ZNRF1: variants seen among roughly 807,000 people sequenced by gnomAD.
The protein encoded by ZNRF1 is zinc and ring finger 1.
In ZNRF1, 3 loss-of-function variants were observed where a neutral mutation model predicts 18.4. That is an observed-to-expected ratio of 0.16 (90% CI 0.07 to 0.42). ZNRF1 has a LOEUF of 0.42. Among genes scored for constraint, ZNRF1 ranks in the 10% least tolerant of loss-of-function variants. The probability of loss-of-function intolerance (pLI) is 0.99; values close to 1 mark genes in which losing one functional copy is unlikely to be tolerated. For missense variants in ZNRF1, 310 were observed against 329.8 expected, an observed-to-expected ratio of 0.94 and a Z score of 0.47; for synonymous variants, 157 against 144.2, an observed-to-expected ratio of 1.09 and a Z score of -0.64.
intron 1 of ZNRF1, among the ~76,000 whole-genome samples, chr16:75,018,452 A>G (rs932042099): frequency 6.6e-6 from 1 of 152,174 alleles, no homozygotes; most frequent in African/African-American, 2.4e-5. Context: ...TAGTTCCTCC[A>G]GTAAAAATCG....
At position 75,068,207 on chromosome 16, in the gene ZNRF1, A is replaced by T. The variant is rs946482397; in HGVS notation, c.425-25365A>T. On this transcript the variant is annotated intron_variant, in intron 1 of 4. Coordinates refer to ENST00000335325, the MANE Select transcript of ZNRF1 (RefSeq NM_032268.5). ...TTGTCTTAAAAAAAAAAAAAAAAAAAAAAAAAATTAGCTGGGCATGATTGC... is the reference window on the plus strand; with the variant it reads ...TTGTCTTAAAAAAAAAAAAAAAAAATAAAAAAATTAGCTGGGCATGATTGC... Among the ~76,000 whole-genome samples the T allele has an allele frequency of 4.0e-5, 6 of 151,320 alleles. No homozygotes were observed. In the East Asian group the frequency reaches 1.2e-3, roughly 29 times the overall value.
At chr16:75,103,517 A>C (rs1013902252) in intron 2 of ZNRF1, among the ~76,000 whole-genome samples, 3 of 151,826 alleles carry the variant, frequency 2.0e-5, no homozygotes, top group Admixed American at 2.0e-4. Flanking sequence ...GGGCGGGGGG[A>C]AGGGGAGTGG....
At chr16:75,095,519 T>G in intron 2 of ZNRF1, 2 of 1,356,952 alleles carry the variant, frequency 1.5e-6, no homozygotes, top group Non-Finnish European at 9.8e-7. Flanking sequence ...CTTTCCCACA[T>G]GTGTGGAGAC....
intron 1 of ZNRF1, among the ~76,000 whole-genome samples, chr16:75,039,451 C>T (rs111747150): frequency 3.4e-4 from 51 of 152,138 alleles, no homozygotes; most frequent in African/African-American, 1.2e-3. Context: ...ACAGATTTTA[C>T]TCTTGAAACT....
chr16:75,062,140 C>A (rs141686255), intron 1 of ZNRF1, among the ~76,000 whole-genome samples: 1 of 152,312 alleles, frequency 6.6e-6, no homozygotes, highest in African/African-American at 2.4e-5. Context: ...TCAGAAGAAT[C>A]GAGACAACTT....
chr16:75,027,845 A>G (rs2035247363), intron 1 of ZNRF1, among the ~76,000 whole-genome samples: 1 of 152,142 alleles, frequency 6.6e-6, no homozygotes, highest in Non-Finnish European at 1.5e-5. Flanking sequence ...CTGTCTGGGA[A>G]TCCTGCTGTA....
chr16:75,047,280 T>C (rs888852305), intron 1 of ZNRF1, among the ~76,000 whole-genome samples: 4 of 152,004 alleles, frequency 2.6e-5, no homozygotes, highest in Non-Finnish European at 4.4e-5. Context: ...TCAAGCAGTC[T>C]TCCTGCTTCA....
At chr16:75,051,391 T>A (rs1291539969) in intron 1 of ZNRF1, among the ~76,000 whole-genome samples, 1 of 151,134 alleles carries the variant, frequency 6.6e-6, no homozygotes, top group Non-Finnish European at 1.5e-5. Flanking sequence ...ACATTTTTGG[T>A]AGAGAAAGGG....
intron 1 of ZNRF1, among the ~76,000 whole-genome samples, chr16:75,020,131 T>C (rs2035125229): frequency 1.3e-5 from 2 of 152,348 alleles, no homozygotes; most frequent in South Asian, 4.1e-4. Context: ...TGAAGTTCTC[T>C]TTAGAATTGT....
intron 1 of ZNRF1, among the ~76,000 whole-genome samples, chr16:75,065,628 C>G (rs1408941157): frequency 6.6e-6 from 1 of 152,154 alleles, no homozygotes; most frequent in Non-Finnish European, 1.5e-5. Context: ...CTTGGGTGAC[C>G]AGGCAGCCCT....
At chr16:75,027,023 G>A (rs1003896449) in intron 1 of ZNRF1, among the ~76,000 whole-genome samples, 1 of 152,188 alleles carries the variant, frequency 6.6e-6, no homozygotes, top group African/African-American at 2.4e-5. Context: ...CACCCCTTGA[G>A]GTGATTCCTG....
At position 75,108,719 on chromosome 16, in the gene ZNRF1, G is replaced by T. The variant is rs1024686725; in HGVS notation, c.*1019G>T. The T allele has an allele frequency of 7.6e-6, 3 of 394,006 alleles. No individual in the cohort carries two copies. The highest frequency in any genetic ancestry group is 4.1e-5 in the African/African-American group (2 of 48,534). 24.4% of individuals were successfully genotyped at this position (394,006 alleles called of 1,614,324 possible). A position where few individuals can be genotyped will look rare whatever the true frequency, so the allele number is the denominator to read the frequency against. Reference sequence around the variant, plus strand: ...AATGTCTAATAAAAGATGGCACTGCGTGATTTTATTTTAATGAAGTGTTAT... The same window carrying T: ...AATGTCTAATAAAAGATGGCACTGCTTGATTTTATTTTAATGAAGTGTTAT... On this transcript the variant is annotated 3_prime_UTR_variant, in exon 5 of 5. Transcript: ENST00000335325.
chr16:75,000,819 C>T (rs548361140), intron 1 of ZNRF1, among the ~76,000 whole-genome samples: 14 of 152,310 alleles, frequency 9.2e-5, no homozygotes, highest in Non-Finnish European at 1.5e-4. Context: ...AGTGCTTGGT[C>T]TTCCCGTGAA....
At chr16:75,061,611 G>A (rs959486389) in intron 1 of ZNRF1, among the ~76,000 whole-genome samples, 1 of 151,592 alleles carries the variant, frequency 6.6e-6, no homozygotes, top group Admixed American at 6.6e-5. Flanking sequence ...TATGTACCAC[G>A]TTTTCTTTAA....
At chr16:75,001,019 A>G (rs1393686506) in intron 1 of ZNRF1, among the ~76,000 whole-genome samples, 2 of 152,222 alleles carry the variant, frequency 1.3e-5, no homozygotes, top group Non-Finnish European at 2.9e-5. Flanking sequence ...AAGGCCTGGC[A>G]GGAGGAAAAC....
At chr16:75,075,747 G>A (rs1180610121) in intron 1 of ZNRF1, among the ~76,000 whole-genome samples, 4 of 152,252 alleles carry the variant, frequency 2.6e-5, no homozygotes, top group African/African-American at 9.6e-5. Flanking sequence ...AAAGGTGGAG[G>A]AGGAGGGTCA....
chr16:75,010,891 G>A (rs768359642), intron 1 of ZNRF1, among the ~76,000 whole-genome samples: 1 of 151,896 alleles, frequency 6.6e-6, no homozygotes, highest in Admixed American at 6.6e-5. Context: ...TGTACTTTTA[G>A]TAGAGATGGG....
chr16:75,046,551 G>A (rs540435788), intron 1 of ZNRF1, among the ~76,000 whole-genome samples: 1 of 152,012 alleles, frequency 6.6e-6, no homozygotes, highest in Admixed American at 6.5e-5. Context: ...ACACCCAGCT[G>A]TTTTCTTCTA....
intron 1 of ZNRF1, among the ~76,000 whole-genome samples, chr16:75,023,801 T>G (rs1567469247): frequency 1.3e-5 from 2 of 152,040 alleles, no homozygotes; most frequent in African/African-American, 2.4e-5. Context: ...TGGCTGACAC[T>G]GTTATAATTT....
Sources: gnomAD v4.1 joint callset for allele counts (sites outside exome capture counted in the v4.1 genomes callset) on GRCh38, gnomAD v4.1.1 for gene constraint, MANE v1.5 for transcripts, NCBI Gene and HGNC (gene_info 2026-07-23, HGNC 2026-07-21) for gene names.